Variants in DUSP10 observed in about 807,000 individuals in gnomAD.
The protein encoded by DUSP10 is dual specificity protein phosphatase 10.
A neutral mutation model predicts 30.8 loss-of-function variants in DUSP10; 14 were observed. The ratio of observed to expected loss-of-function variants is 0.46; its 90% CI spans 0.30 to 0.71. The LOEUF is 0.71. DUSP10 is among the 30% of genes least tolerant of loss of function. The pLI is 0.08. For synonymous variants in DUSP10, 254 were observed against 250.4 expected (o/e 1.01, Z -0.14); for missense variants, 550 against 619.4 (o/e 0.89, Z 1.19).
chr1:221,739,171 C>A lies in DUSP10; in HGVS notation c.574G>T (p.Val192Phe), dbSNP rs1661870854. 1 of 1,614,214 alleles carries A rather than the reference C, an allele frequency of 6.2e-7. No individual in the cohort carries two copies. Among genetic ancestry groups the A allele is most frequent in the African/African-American group, 1.3e-5 (1 of 75,052 alleles). ...ATCTTATCGGCACAGTTAATGTGGACAGCTCCTTGGATGTGACTCTTGTTG... is the reference window on the plus strand; with the variant it reads ...ATCTTATCGGCACAGTTAATGTGGAAAGCTCCTTGGATGTGACTCTTGTTG... ...EYNKSHIQGAVHINCADKISR... is the reference protein window; with the variant it reads ...EYNKSHIQGAFHINCADKISR... The change falls in exon 2 of 4, where the codon GTC becomes TTC. Residue 192 changes from valine (V) to phenylalanine (F), a missense_variant. Physicochemically the swap from Val to Phe is conservative, Grantham distance 50 (BLOSUM62 -1). Transcript: ENST00000366899.
At position 221,706,234 on chromosome 1, in the gene DUSP10, G is replaced by T. The variant is rs371770271; in HGVS notation, c.1044C>A (p.Ile348=). 1 of 1,614,154 alleles carries T rather than the reference G, an allele frequency of 6.2e-7. No individual in the cohort carries two copies. The highest frequency in any genetic ancestry group is 1.3e-5 in the African/African-American group (1 of 75,028). Residue 348 remains isoleucine, a synonymous_variant, in exon 3 of 4, where the codon ATC becomes ATA. Transcript: ENST00000366899. This position sits in a 1 kb window ranked among gnomAD's most constrained non-coding sequence, Gnocchi z 4.6. ...GAGTGGTGACGTTGATGACGTAGCC[G>T]ATGTTCAGCCGCTGCATGGTGTCCA... The part of the protein sequence containing the change: ...QDLDTMQRLN[I]GYVINVTTHL...
At chr1:221,721,725 G>C (rs531340233) in intron 2 of DUSP10, among the ~76,000 whole-genome samples, 70 of 152,280 alleles carry the variant, frequency 4.6e-4, no homozygotes, top group Non-Finnish European at 8.1e-4. Context: ...GAATGGTAGA[G>C]ATGCATGGAA....
At chr1:221,728,739 G>T (rs73110857) in intron 2 of DUSP10, among the ~76,000 whole-genome samples, 1,794 of 152,224 alleles carry the variant, frequency 0.012, 32 homozygotes, top group African/African-American at 0.04. Flanking sequence ...AATACCTTTG[G>T]CATTAGAGTC....
At chr1:221,733,802 G>C (rs191629920) in intron 2 of DUSP10, among the ~76,000 whole-genome samples, 1 of 152,356 alleles carries the variant, frequency 6.6e-6, no homozygotes, top group East Asian at 1.9e-4. Flanking sequence ...GAACCCAGGT[G>C]TAAGTGAGCA....
rs544905148 is a variant in DUSP10, at chr1:221,718,872, G to A, written c.812-12406C>T. ...TGTCACATGCGAGCCTCACAGGAGA[G>A]CATATTTCTACTGTGAAACATTCCC... On this transcript the variant is annotated intron_variant, in intron 2 of 3. Coordinates refer to ENST00000366899, the MANE Select transcript of DUSP10 (RefSeq NM_007207.6). Among the ~76,000 whole-genome samples, 10 of 152,286 alleles carry A rather than the reference G, an allele frequency of 6.6e-5. No homozygotes were observed. In the South Asian group the frequency reaches 1.5e-3, roughly 22 times the overall value.
Position 221,702,896 on chromosome 1 carries a change from C to T in DUSP10, c.1184-219G>A, listed in dbSNP as rs1660648381. Among the ~76,000 whole-genome samples, 1 of 152,184 alleles carries T rather than the reference C, an allele frequency of 6.6e-6. No individual in the cohort carries two copies. Among genetic ancestry groups the T allele is most frequent in the East Asian group, 1.9e-4 (1 of 5,200 alleles). On this transcript the variant is annotated intron_variant, in intron 3 of 3. Coordinates refer to ENST00000366899, the MANE Select transcript of DUSP10 (RefSeq NM_007207.6). This position sits in a 1 kb window ranked among gnomAD's most constrained non-coding sequence, Gnocchi z 4.5. ...ATATCAGCACGAACAAGAAGCTATACATCTACATTTAAAGAGAAGATTAAA... is the reference window on the plus strand; with the variant it reads ...ATATCAGCACGAACAAGAAGCTATATATCTACATTTAAAGAGAAGATTAAA...
chr1:221,726,433 G>A (rs1661427722), intron 2 of DUSP10, among the ~76,000 whole-genome samples: 2 of 152,198 alleles, frequency 1.3e-5, no homozygotes, highest in Middle Eastern at 6.8e-3. Context: ...AACACAGGAA[G>A]CAAAAGTACA....
chr1:221,734,114 T>C (rs939658395), intron 2 of DUSP10, among the ~76,000 whole-genome samples: 6 of 152,178 alleles, frequency 3.9e-5, no homozygotes, highest in Admixed American at 3.9e-4. Context: ...TCTACCCTTT[T>C]ATAGTCAGTC....
chr1:221,711,644 C>A (rs1260354137), intron 2 of DUSP10: 1 of 152,184 alleles, frequency 6.6e-6, no homozygotes, highest in Non-Finnish European at 1.5e-5. Context: ...TACCTTGTAA[C>A]CTTGAGCAAG....
rs775447778 is a variant in DUSP10 at position 221,706,409 on chromosome 1, A to T, written c.869T>A (p.Leu290His). The T allele has an allele frequency of 6.4e-7, 1 of 1,554,154 alleles. No homozygotes were observed. The highest frequency in any genetic ancestry group is 8.7e-7 in the Non-Finnish European group (1 of 1,149,966). Reference protein sequence around the residue: ...HENLCDNSLQLQECREVGGGA... With the variant: ...HENLCDNSLQHQECREVGGGA... Reference sequence around the variant, plus strand: ...GCCCCCCACCTCCCGGCACTCTTGGAGCTGGAGGGAGTTGTCACAGAGGTT... The same window carrying T: ...GCCCCCCACCTCCCGGCACTCTTGGTGCTGGAGGGAGTTGTCACAGAGGTT... The change falls in exon 3 of 4, where the codon CTC (leucine) becomes CAC (histidine). Residue 290 changes from leucine to histidine, a missense_variant. Transcript: ENST00000366899. The surrounding 1 kb of genome is among the most constrained non-coding windows in gnomAD (Gnocchi z 4.6).
chr1:221,715,855 ACT>A (rs1240872494), intron 2 of DUSP10, among the ~76,000 whole-genome samples: 1 of 151,712 alleles, frequency 6.6e-6, no homozygotes, highest in Non-Finnish European at 1.5e-5. Context: ...AGTCAGTGAG[ACT>A]CTATGACTCT....
At position 221,739,618 on chromosome 1, in the gene DUSP10, G is replaced by A. The variant is rs774613067; in HGVS notation, c.127C>T (p.Pro43Ser). 1.2e-5 allele frequency: 19 copies of A among 1,613,994 alleles called. No homozygotes were observed. The highest frequency in any genetic ancestry group is 1.5e-5 in the Non-Finnish European group (18 of 1,180,022). The change falls in exon 2 of 4, where the codon CCT (proline) becomes TCT (serine). Residue 43 changes from proline (P) to serine (S), a missense_variant. Transcript: ENST00000366899. ...GSANPGSNSH[P>S]PVIATTVVSL... Reference sequence around the variant, plus strand: ...ACAACGGTGGTGGCGATGACAGGAGGGTGGCTGTTACTGCCTGGGTTGGCA... The same window carrying A: ...ACAACGGTGGTGGCGATGACAGGAGAGTGGCTGTTACTGCCTGGGTTGGCA...
At chr1:221,709,221 C>T (rs934072186) in intron 2 of DUSP10, among the ~76,000 whole-genome samples, 4 of 152,088 alleles carry the variant, frequency 2.6e-5, no homozygotes, top group Non-Finnish European at 5.9e-5. Context: ...AGAAGAACTA[C>T]TTTGTTTAAG....
intron 2 of DUSP10, chr1:221,737,418 CA>C: frequency 1.0e-6 from 1 of 985,270 alleles, no homozygotes; most frequent in East Asian, 1.1e-4. Context: ...AAGACAATAG[CA>C]GGGTAAATAT....
chr1:221,732,342 C>T (rs965884142), intron 2 of DUSP10, among the ~76,000 whole-genome samples: 19 of 152,212 alleles, frequency 1.2e-4, no homozygotes, highest in African/African-American at 4.6e-4. Flanking sequence ...GCTTAAACCA[C>T]TAGGTTCCCC....
Position 221,702,603 on chromosome 1 carries a change from T to C in DUSP10, c.1258A>G (p.Ile420Val), listed in dbSNP as rs1252826780. Reference protein sequence around the residue: ...AGVSRSATIVIAYLMKHTRMT... With the variant: ...AGVSRSATIVVAYLMKHTRMT... Reference sequence around the variant, plus strand: ...CGAGTGTGCTTCATCAAGTAAGCGATGACGATGGTGGCGGAGCGGGACACC... The same window carrying C: ...CGAGTGTGCTTCATCAAGTAAGCGACGACGATGGTGGCGGAGCGGGACACC... Residue 420 changes from isoleucine (I) to valine (V), a missense_variant, in exon 4 of 4, where the codon ATC becomes GTC. Physicochemically the swap from Ile to Val is conservative, Grantham distance 29. Coordinates refer to ENST00000366899, the MANE Select transcript of DUSP10 (RefSeq NM_007207.6). This position sits in a 1 kb window ranked among gnomAD's most constrained non-coding sequence, Gnocchi z 4.5. 23 of 1,613,998 alleles carry C rather than the reference T, an allele frequency of 1.4e-5. No homozygotes were observed. The highest frequency in any genetic ancestry group is 1.9e-5 in the Non-Finnish European group (22 of 1,180,014).
At chr1:221,712,409 T>G (rs1222665976) in intron 2 of DUSP10, among the ~76,000 whole-genome samples, 1 of 152,194 alleles carries the variant, frequency 6.6e-6, no homozygotes, top group African/African-American at 2.4e-5. Context: ...AGGCTGACTA[T>G]GAGTCAGAGA....
rs1477094960 is a variant in DUSP10 at position 221,702,656 on chromosome 1, T to A, written c.1205A>T (p.Lys402Met). 1 of 1,614,054 alleles carries A rather than the reference T, an allele frequency of 6.2e-7. No homozygotes were observed. Among genetic ancestry groups the A allele is most frequent in the South Asian group, 1.1e-5 (1 of 91,076 alleles). ...AGCCTGGCAGTGGATGAGAAGCCCCTTCCCACACTGGTGAGCTTCCTCTGA... is the reference window on the plus strand; with the variant it reads ...AGCCTGGCAGTGGATGAGAAGCCCCATCCCACACTGGTGAGCTTCCTCTGA... Reference protein sequence around the residue: ...EFIEEAHQCGKGLLIHCQAGV... With the variant: ...EFIEEAHQCGMGLLIHCQAGV... The change falls in exon 4 of 4, where the codon AAG becomes ATG. Residue 402 changes from lysine to methionine, a missense_variant. By Grantham distance (95) the Lys-to-Met change is moderately conservative. Transcript: ENST00000366899. This position sits in a 1 kb window ranked among gnomAD's most constrained non-coding sequence, Gnocchi z 4.5.
At position 221,739,102 on chromosome 1, in the gene DUSP10, A is replaced by T; in HGVS notation, c.643T>A (p.Leu215Met). 1 of 1,614,210 alleles carries T rather than the reference A, an allele frequency of 6.2e-7. No individual in the cohort carries two copies. The highest frequency in any genetic ancestry group is 1.3e-5 in the African/African-American group (1 of 75,044). ...LQQGKITVLDLISCREGKDSF... is the reference protein window; with the variant it reads ...LQQGKITVLDMISCREGKDSF... ...TCCTTGCCTTCCCTACAGGAAATCA[A>T]GTCTAGGACAGTGATCTTGCCCTGC... The change falls in exon 2 of 4, where the codon TTG becomes ATG. Residue 215 changes from leucine to methionine, a missense_variant. By Grantham distance (15) the Leu-to-Met change is conservative (BLOSUM62 2). Coordinates refer to ENST00000366899, the MANE Select transcript of DUSP10 (RefSeq NM_007207.6).
Sources: allele counts gnomAD v4.1 joint callset (sites outside exome capture counted in the v4.1 genomes callset), GRCh38; gene constraint gnomAD v4.1.1; non-coding constraint Gnocchi (gnomAD v3.1); transcripts MANE v1.5; gene names NCBI Gene and HGNC (gene_info 2026-07-23, HGNC 2026-07-21).